Variants in ETV4 observed in about 807,000 individuals in gnomAD.
The protein encoded by ETV4 is ETS variant transcription factor 4, also known as ETS translocation variant 4.
ETV4 carries 42 observed loss-of-function variants against 65.9 expected under a neutral mutation model. That is an observed-to-expected ratio of 0.64 (90% CI 0.50 to 0.82). ETV4 has a LOEUF of 0.82. Ranked by LOEUF, ETV4 falls within the 40% of genes least tolerant of loss-of-function variation. The pLI is 0.00. For missense variants in ETV4, 583 were observed against 630.3 expected, an observed-to-expected ratio of 0.92 and a Z score of 0.80; for synonymous variants, 238 against 260.0, an observed-to-expected ratio of 0.92 and a Z score of 0.81.
chr17:43,528,307 T>G lies in ETV4; in HGVS notation c.*212A>C. On this transcript the variant is annotated 3_prime_UTR_variant, in exon 13 of 13. Transcript: ENST00000319349. ...GGCCCAGGTGAAACCCCCAGGGGAG[T>G]TTCTGAGACTCTAGACTTGCCATTT... 6 of 474,866 alleles carry G rather than the reference T, an allele frequency of 1.3e-5. No individual in the cohort carries two copies. The highest frequency in any genetic ancestry group is 1.1e-5 in the Non-Finnish European group (3 of 268,602). The allele number at this position is 474,866 out of a possible 1,614,324, so 29.4% of individuals were successfully genotyped here. A position where few individuals can be genotyped will look rare whatever the true frequency, so the allele number is the denominator to read the frequency against.
At chr17:43,541,180 C>A (rs540894149) in intron 4 of ETV4, among the ~76,000 whole-genome samples, 34 of 152,332 alleles carry the variant, frequency 2.2e-4, no homozygotes, top group African/African-American at 8.2e-4. Context: ...GCCCCTCCCC[C>A]AAACACTGGC....
intron 8 of ETV4, chr17:43,530,389 G>C: frequency 7.0e-7 from 1 of 1,435,862 alleles, no homozygotes; most frequent in Admixed American, 2.7e-5. Flanking sequence ...CTCAACTTGA[G>C]GGCTGCGGCT....
At chr17:43,543,824 AAT>A (rs1365220234) in intron 4 of ETV4, 4 of 152,200 alleles carry the variant, frequency 2.6e-5, no homozygotes, top group African/African-American at 9.7e-5. Context: ...CTCTATGCTA[AAT>A]AGTCATTCTG....
intron 3 of ETV4, 116 bp downstream of exon 3, chr17:43,545,157 GT>G: frequency 2.3e-6 from 3 of 1,281,654 alleles, no homozygotes; most frequent in South Asian, 1.2e-5. Flanking sequence ...TGGAGGGCGA[GT>G]TTTTTGGGGA....
intron 1 of ETV4, chr17:43,545,892 C>T (rs906008806): frequency 1.7e-6 from 1 of 571,760 alleles, no homozygotes; most frequent in Non-Finnish European, 3.1e-6. Flanking sequence ...GCCGTTTCTG[C>T]TTTCTGCAGC....
chr17:43,536,850 C>T (rs961649221), intron 4 of ETV4, among the ~76,000 whole-genome samples: 6 of 152,256 alleles, frequency 3.9e-5, no homozygotes, highest in African/African-American at 9.6e-5. Context: ...GTGTCTTCCA[C>T]CTCTGGGCTC....
chr17:43,532,051 G>C (rs1186680955), intron 8 of ETV4, among the ~76,000 whole-genome samples: 1 of 152,198 alleles, frequency 6.6e-6, no homozygotes, highest in African/African-American at 2.4e-5. Context: ...ATAGACACGA[G>C]GTCTCACTTT....
chr17:43,536,601 G>A (rs1971255322), intron 4 of ETV4, 122 bp from the exon 5 acceptor site: 1 of 754,948 alleles, frequency 1.3e-6, no homozygotes, highest in African/African-American at 1.7e-5. Flanking sequence ...TTAGATCAGG[G>A]GTGTCCACAT....
rs1357551615 is a variant in ETV4, at chr17:43,535,342, A to G, written c.256+1084T>C. Reference sequence around the variant, plus strand: ...ACCCAGGCTGGAGTGCAGTGGCTCAATCTTGCCTCACTGCAACCTCCGCCT... The same window carrying G: ...ACCCAGGCTGGAGTGCAGTGGCTCAGTCTTGCCTCACTGCAACCTCCGCCT... On this transcript the variant is annotated intron_variant, in intron 5 of 12. Transcript: ENST00000319349. Among the ~76,000 whole-genome samples, 3 of 152,138 alleles carry G rather than the reference A, an allele frequency of 2.0e-5. No individual in the cohort carries two copies. In the East Asian group the frequency reaches 5.8e-4, roughly 29 times the overall value.
chr17:43,537,404 A>AG (rs1188170337), intron 4 of ETV4, among the ~76,000 whole-genome samples: 2 of 150,818 alleles, frequency 1.3e-5, no homozygotes, highest in African/African-American at 2.4e-5. Flanking sequence ...AAAATCACAT[A>AG]GGGGGGTGGC....
intron 4 of ETV4, among the ~76,000 whole-genome samples, chr17:43,538,006 T>C (rs1971334315): frequency 6.6e-6 from 1 of 151,990 alleles, no homozygotes; most frequent in Admixed American, 6.6e-5. Flanking sequence ...GGCGGGTGCC[T>C]GTAGTCCCAG....
At chr17:43,543,955 T>C (rs1213043754) in intron 4 of ETV4, 1 of 152,056 alleles carries the variant, frequency 6.6e-6, no homozygotes, top group Non-Finnish European at 1.5e-5. Flanking sequence ...TCCAGGGTAG[T>C]TGGATTTGAG....
At chr17:43,536,540 C>T in intron 4 of ETV4, 61 bp from the exon 5 acceptor site, 2 of 1,468,796 alleles carry the variant, frequency 1.4e-6, no homozygotes, top group South Asian at 2.3e-5. Context: ...TGGGAGGCTC[C>T]ATTATTACAG....
chr17:43,528,553 T>C lies in ETV4; in HGVS notation c.1421A>G (p.Gln474Arg). 1 of 1,612,794 alleles carries C rather than the reference T, an allele frequency of 6.2e-7. No individual in the cohort carries two copies. The highest frequency in any genetic ancestry group is 8.5e-7 in the Non-Finnish European group (1 of 1,179,252). The change falls in exon 13 of 13, where the codon CAG becomes CGG. Residue 474 changes from glutamine (Q) to arginine (R), a missense_variant. Gln to Arg is a conservative substitution (Grantham distance 43). Coordinates refer to ENST00000319349, the MANE Select transcript of ETV4 (RefSeq NM_001079675.5). ...GTAGCCACCCTTGGGGCCAAATGGC[T>C]GGGCGGGGCCAGCCAGCTCTGGGAG... Reference protein sequence around the residue: ...AYLPELAGPAQPFGPKGGYSY With the variant: ...AYLPELAGPARPFGPKGGYSY
intron 5 of ETV4, among the ~76,000 whole-genome samples, chr17:43,535,204 TC>T (rs1971173751): frequency 6.6e-6 from 1 of 152,212 alleles, no homozygotes; most frequent in South Asian, 2.1e-4. Context: ...TGTTTTTGAT[TC>T]TTTGTGCCCC....
intron 12 of ETV4, 26 bp downstream of exon 12, chr17:43,529,109 C>T (rs2154587027): frequency 6.2e-7 from 1 of 1,610,986 alleles, no homozygotes; most frequent in Non-Finnish European, 8.5e-7. Context: ...CCCCCACCAC[C>T]TTGTCCCTAG....
rs1264035987 is a variant in ETV4 at position 43,532,843 on chromosome 17, C to T, written c.642G>A (p.Ser214=). The change falls in exon 8 of 13, where the codon TCG becomes TCA. Residue 214 remains serine (S), a synonymous_variant. Coordinates refer to ENST00000319349, the MANE Select transcript of ETV4 (RefSeq NM_001079675.5). The stretch of plus-strand genomic sequence containing the variant: ...GCTGGGGATAGGGTGGGCAGGGCTC[C>T]GACAGCTGGTGTTGGTAGGGGGCTG... ...PLPAPYQHQL[S]EPCPPYPQQS... is the part of the protein sequence containing the mutation. 13 of 1,613,630 alleles carry T rather than the reference C, an allele frequency of 8.1e-6. No individual in the cohort carries two copies. The highest frequency in any genetic ancestry group is 1.1e-5 in the South Asian group (1 of 91,060).
chr17:43,543,299 C>CAA (rs1412467089), intron 4 of ETV4, among the ~76,000 whole-genome samples: 3 of 151,592 alleles, frequency 2.0e-5, no homozygotes, highest in Non-Finnish European at 4.4e-5. Flanking sequence ...CTCTCTCTCA[C>CAA]ACACACACTT....
At position 43,529,653 on chromosome 17, in the gene ETV4, C is replaced by A. The variant is rs761010166; in HGVS notation, c.979G>T (p.Gly327Cys). ...TAGGGCGGCCCCTCTCGAAATGCAC[C>A]GACCCCTTCCTGCTTGATGTCTCCT... is the stretch of plus-strand genomic sequence containing the variant. The part of the protein sequence containing the change: ...FEGDIKQEGV[G>C]AFREGPPYQR... The change falls in exon 11 of 13, where the codon GGT becomes TGT. Residue 327 changes from glycine to cysteine, a missense_variant. By Grantham distance (159) the Gly-to-Cys change is radical (BLOSUM62 -3). Transcript: ENST00000319349. 6.2e-7 allele frequency: 1 copy of A among 1,612,948 alleles called. No homozygotes were observed. Among genetic ancestry groups the A allele is most frequent in the Admixed American group, 1.7e-5 (1 of 59,854 alleles).
Sources: gnomAD v4.1 joint callset for allele counts (sites outside exome capture counted in the v4.1 genomes callset) on GRCh38, gnomAD v4.1.1 for gene constraint, MANE v1.5 for transcripts, NCBI Gene and HGNC (gene_info 2026-07-23, HGNC 2026-07-21) for gene names.